The following LRP1B variants were observed in gnomAD, a reference collection of about 807,000 sequenced individuals.
LRP1B encodes low-density lipoprotein receptor-related protein 1B.
In LRP1B, 217 loss-of-function variants were observed where a neutral mutation model predicts 556.6. That is an observed-to-expected ratio of 0.39 (90% CI 0.35 to 0.44). The LOEUF (loss-of-function observed/expected upper bound fraction) is 0.44, where lower values mean the gene tolerates loss of function less well. Ranked by LOEUF, LRP1B falls within the 20% of genes least tolerant of loss-of-function variation. LRP1B has a pLI of 1.00. For missense variants in LRP1B, 5,053 were observed against 5,620.8 expected (o/e 0.90, Z 3.23); for synonymous variants, 2,047 against 1,865.8 (o/e 1.10, Z -2.50).
At chr2:141,348,799 C>T (rs1521105) in intron 3 of LRP1B, among the ~76,000 whole-genome samples, 84,162 of 151,354 alleles carry the variant, frequency 0.56, 24,084 homozygotes, top group Non-Finnish European at 0.6. Context: ...TTCCCAAGTG[C>T]TGTGGGAGGG....
At chr2:141,685,174 C>T (rs1691250244) in intron 2 of LRP1B, among the ~76,000 whole-genome samples, 1 of 151,968 alleles carries the variant, frequency 6.6e-6, no homozygotes, top group Admixed American at 6.6e-5. Context: ...TCATTCCTGT[C>T]ACACCATTCA....
intron 6 of LRP1B, among the ~76,000 whole-genome samples, chr2:141,210,029 A>G (rs1424316793): frequency 6.6e-6 from 1 of 152,052 alleles, no homozygotes; most frequent in Non-Finnish European, 1.5e-5. Context: ...ACAAAGCCCA[A>G]TGTTAAAATA....
chr2:141,125,103 A>T (rs1033076688), intron 7 of LRP1B, among the ~76,000 whole-genome samples: 3 of 152,226 alleles, frequency 2.0e-5, no homozygotes, highest in African/African-American at 7.2e-5. Flanking sequence ...ATAGAACTTA[A>T]ACCAAAAATA....
At chr2:141,383,009 G>C (rs143852169) in intron 3 of LRP1B, among the ~76,000 whole-genome samples, 1 of 152,214 alleles carries the variant, frequency 6.6e-6, no homozygotes, top group African/African-American at 2.4e-5. Context: ...AAATACAGTA[G>C]TAACTCATAA....
At chr2:140,613,251 ATATAAT>A (rs1412941777) in intron 41 of LRP1B, among the ~76,000 whole-genome samples, 1 of 144,922 alleles carries the variant, frequency 6.9e-6, no homozygotes, top group East Asian at 2.0e-4. Context: ...AATTATATTT[ATATAAT>A]TATGTTATAT....
chr2:140,511,594 C>T (rs1445574964), intron 51 of LRP1B, among the ~76,000 whole-genome samples: 3 of 152,144 alleles, frequency 2.0e-5, no homozygotes, highest in Admixed American at 6.5e-5. Context: ...AGCCACCGCG[C>T]CCAGCCCCTC....
chr2:141,332,800 G>A (rs1477799092), intron 3 of LRP1B, among the ~76,000 whole-genome samples: 1 of 123,252 alleles, frequency 8.1e-6, no homozygotes, highest in Non-Finnish European at 1.7e-5. Context: ...TTCCATATCT[G>A]TCTTTTAAAA....
At position 140,510,198 on chromosome 2, in the gene LRP1B, C is replaced by T. The variant is rs555136821; in HGVS notation, c.8270-142G>A. On this transcript the variant is annotated intron_variant, in intron 51 of 90. Coordinates refer to ENST00000389484, the MANE Select transcript of LRP1B (RefSeq NM_018557.3). ...ATTGTAGTTATTGGGAATCATTAAA[C>T]ATCATTCTTCCCCTGTAGTTGTCCA... 8.6e-5 allele frequency: 68 copies of T among 791,638 alleles called. No homozygotes were observed. The African/African-American group carries it at 1.1e-3, about 13-fold the overall frequency. The allele number at this position is 791,638 out of a possible 1,614,324, so 49.0% of individuals were successfully genotyped here. A position where few individuals can be genotyped will look rare whatever the true frequency, so the allele number is the denominator to read the frequency against.
At chr2:140,973,246 A>G (rs183451609) in intron 18 of LRP1B, among the ~76,000 whole-genome samples, 1 of 151,792 alleles carries the variant, frequency 6.6e-6, no homozygotes, top group Non-Finnish European at 1.5e-5. Flanking sequence ...TTCCCAGAAG[A>G]ATGTTTTTAA....
intron 2 of LRP1B, among the ~76,000 whole-genome samples, chr2:141,555,343 T>G (rs1040097907): frequency 6.6e-6 from 1 of 151,970 alleles, no homozygotes; most frequent in Admixed American, 6.6e-5. Flanking sequence ...CACAATTATA[T>G]GTGTAACTAA....
intron 2 of LRP1B, among the ~76,000 whole-genome samples, chr2:141,725,731 A>C (rs539426237): frequency 2.1e-4 from 32 of 151,838 alleles, no homozygotes; most frequent in Non-Finnish European, 4.6e-4. Context: ...TACTTTGAAG[A>C]ATTTAGTCTA....
intron 1 of LRP1B, among the ~76,000 whole-genome samples, chr2:142,036,027 G>A (rs1448513709): frequency 6.6e-6 from 1 of 151,586 alleles, no homozygotes; most frequent in Non-Finnish European, 1.5e-5. Context: ...CCGTGATTCT[G>A]AGGCCTCCCC....
At chr2:141,771,664 T>C (rs1239424387) in intron 2 of LRP1B, among the ~76,000 whole-genome samples, 1 of 152,182 alleles carries the variant, frequency 6.6e-6, no homozygotes, top group Non-Finnish European at 1.5e-5. Flanking sequence ...CAGTCATATG[T>C]TGAAGTCCTA....
At chr2:140,770,069 T>C (rs1243561629) in intron 34 of LRP1B, among the ~76,000 whole-genome samples, 1 of 151,766 alleles carries the variant, frequency 6.6e-6, no homozygotes, top group Non-Finnish European at 1.5e-5. Flanking sequence ...TAGAATTAAA[T>C]CTGTTTCCAC....
At chr2:141,035,733 TA>T (rs1456655590) in intron 11 of LRP1B, among the ~76,000 whole-genome samples, 9 of 152,258 alleles carry the variant, frequency 5.9e-5, no homozygotes, top group African/African-American at 2.2e-4. Flanking sequence ...CTCCCACTGC[TA>T]CTTTTATTTT....
At chr2:141,154,691 A>T (rs1031293658) in intron 7 of LRP1B, among the ~76,000 whole-genome samples, 2 of 151,820 alleles carry the variant, frequency 1.3e-5, no homozygotes, top group Non-Finnish European at 3.0e-5. Flanking sequence ...ACACTCCATT[A>T]TTATCTGATA....
intron 43 of LRP1B, among the ~76,000 whole-genome samples, chr2:140,569,189 T>G (rs184921784): frequency 9.2e-5 from 14 of 151,852 alleles, no homozygotes; most frequent in African/African-American, 3.4e-4. Flanking sequence ...TAAAACAATT[T>G]AAAAAACAAC....
chr2:142,098,096 A>T (rs1018792622), intron 1 of LRP1B, among the ~76,000 whole-genome samples: 1 of 151,866 alleles, frequency 6.6e-6, no homozygotes, highest in Admixed American at 6.6e-5. Context: ...ATGCCAGGAA[A>T]TGAAGAGTGT....
At position 140,445,266 on chromosome 2, in the gene LRP1B, C is replaced by A. The variant is rs550729402; in HGVS notation, c.10058-587G>T. Among the ~76,000 whole-genome samples, 8 of 152,062 alleles carry A rather than the reference C, an allele frequency of 5.3e-5. No individual in the cohort carries two copies. In the South Asian group the frequency reaches 8.3e-4, roughly 16 times the overall value. Reference sequence around the variant, plus strand: ...AAGTAGCTGGGATTACAGGCGCCCACCATCACACCTGGCTAATTTTTTGTA... The same window carrying A: ...AAGTAGCTGGGATTACAGGCGCCCAACATCACACCTGGCTAATTTTTTGTA... On this transcript the variant is annotated intron_variant, in intron 63 of 90. Transcript: ENST00000389484.
Sources: allele counts gnomAD v4.1 joint callset (sites outside exome capture counted in the v4.1 genomes callset), GRCh38; gene constraint gnomAD v4.1.1; transcripts MANE v1.5; gene names NCBI Gene and HGNC (gene_info 2026-07-23, HGNC 2026-07-21).